The following SELP variants were observed in gnomAD, a reference collection of about 807,000 sequenced individuals.
SELP encodes the protein P-selectin.
Under a neutral mutation model 104.1 loss-of-function variants are expected in SELP, and 92 were observed. The observed-to-expected ratio is 0.88, with a 90% CI of 0.75 to 1.05. The LOEUF is 1.05. SELP is among the 50% of genes least tolerant of loss of function. SELP has a pLI of 0.00. For synonymous variants in SELP, 397 were observed against 364.5 expected (o/e 1.09, Z -1.01); for missense variants, 1,022 against 1,017.3 (o/e 1.00, Z -0.06).
chr1:169,599,460 T>G (rs760694), intron 10 of SELP, among the ~76,000 whole-genome samples: 85,212 of 152,006 alleles, frequency 0.56, 25,071 homozygotes, highest in East Asian at 0.96. Flanking sequence ...CCAAGGCAGT[T>G]CTATCACATA....
At chr1:169,604,185 AT>A (rs1240997346) in intron 9 of SELP, among the ~76,000 whole-genome samples, 4 of 151,634 alleles carry the variant, frequency 2.6e-5, no homozygotes, top group African/African-American at 9.7e-5. Flanking sequence ...TTTGATTTGC[AT>A]TTCTCTGATG....
intron 8 of SELP, among the ~76,000 whole-genome samples, chr1:169,608,830 T>C (rs1025816978): frequency 3.5e-4 from 53 of 152,162 alleles, no homozygotes; most frequent in African/African-American, 1.3e-3. Flanking sequence ...AACATGACTT[T>C]AGTGTGAGGT....
At chr1:169,623,374 T>C (rs1206005420) in intron 1 of SELP, among the ~76,000 whole-genome samples, 1 of 152,220 alleles carries the variant, frequency 6.6e-6, no homozygotes, top group African/African-American at 2.4e-5. Flanking sequence ...TGGCCAACCC[T>C]ACCCACTGTT....
At chr1:169,602,739 G>A (rs1208593424) in intron 10 of SELP, among the ~76,000 whole-genome samples, 1 of 152,138 alleles carries the variant, frequency 6.6e-6, no homozygotes, top group Non-Finnish European at 1.5e-5. Flanking sequence ...AGCCTCCCGA[G>A]TAGCTGGGAC....
At chr1:169,593,431 A>G (rs1411945462) in intron 14 of SELP, among the ~76,000 whole-genome samples, 174 bp downstream of exon 14, 1 of 152,164 alleles carries the variant, frequency 6.6e-6, no homozygotes, top group Non-Finnish European at 1.5e-5. Flanking sequence ...GGTGATTCTA[A>G]TGGACAATCA....
At position 169,602,621 on chromosome 1, in the gene SELP, A is replaced by AT. The variant is rs201316749; in HGVS notation, c.1705+404dup. 1.6e-3 allele frequency among the ~76,000 whole-genome samples: 241 copies of AT among 151,324 alleles called. 5 individuals are homozygous for AT. The East Asian group carries it at 0.039, about 24-fold the overall frequency. ...TGAAAGCACTTCCTGAAACTGTGCA[A>AT]TTTTTTTTTGAGACAGAGTCTCACT... is the stretch of plus-strand genomic sequence containing the variant. On this transcript the variant is annotated intron_variant, in intron 10 of 16. Transcript: ENST00000263686.
chr1:169,592,313 T>C (rs1290926672), intron 14 of SELP, among the ~76,000 whole-genome samples: 2 of 152,204 alleles, frequency 1.3e-5, no homozygotes, highest in Non-Finnish European at 2.9e-5. Context: ...TTGGTAGCAT[T>C]GTAAATGGAG....
At position 169,593,735 on chromosome 1, in the gene SELP, A is replaced by AAC. The variant is rs758198873; in HGVS notation, c.2288-13_2288-12dup. The AAC allele has an allele frequency of 6.2e-7, 1 of 1,612,944 alleles. No homozygotes were observed. Among genetic ancestry groups the AAC allele is most frequent in the South Asian group, 1.1e-5 (1 of 91,012 alleles). On this transcript the variant is annotated splice_polypyrimidine_tract_variant and intron_variant, in intron 13 of 16. Coordinates refer to ENST00000263686, the MANE Select transcript of SELP (RefSeq NM_003005.4). Reference sequence around the variant, plus strand: ...TAGTCAATGGTCCTGCTACAAAACAAACACACACACATGCAAGACATAAGA... The same window carrying AAC: ...TAGTCAATGGTCCTGCTACAAAACAAACACACACACACATGCAAGACATAAGA...
At chr1:169,617,469 G>A (rs1040529879) in intron 2 of SELP, 55 bp from the exon 3 acceptor site, 25 of 1,546,942 alleles carry the variant, frequency 1.6e-5, no homozygotes, top group African/African-American at 6.9e-5. Flanking sequence ...AAAAGAGGCC[G>A]TGATCCCAAG....
At chr1:169,625,899 C>G (rs1330963095) in intron 1 of SELP, among the ~76,000 whole-genome samples, 1 of 152,002 alleles carries the variant, frequency 6.6e-6, no homozygotes, top group Non-Finnish European at 1.5e-5. Context: ...CAGTACTAAA[C>G]AAGTAAACAT....
chr1:169,599,167 GGAAGCCTAAC>G (rs1661774342), intron 10 of SELP, among the ~76,000 whole-genome samples: 1 of 152,128 alleles, frequency 6.6e-6, no homozygotes, highest in Non-Finnish European at 1.5e-5. Context: ...TGAGTTACAT[GGAAGCCTAAC>G]CCAGATCCGG....
At chr1:169,618,599 C>A (rs926682345) in intron 2 of SELP, among the ~76,000 whole-genome samples, 4 of 152,170 alleles carry the variant, frequency 2.6e-5, no homozygotes, top group African/African-American at 9.7e-5. Flanking sequence ...CCTCTGCTGC[C>A]TGCATGAGGG....
At position 169,609,567 on chromosome 1, in the gene SELP, C is replaced by T; in HGVS notation, c.1270G>A (p.Gly424Arg). ...TTATCACACCGAACTATATCGGCTC[C>T]TCTCAGCATGAAACCTTCAGCACAG... ...FRCAEGFMLR[G>R]ADIVRCDNLG... is the part of the protein sequence containing the mutation. The change falls in exon 8 of 17, where the codon GGA (glycine) becomes AGA (arginine). Residue 424 changes from glycine to arginine, a missense_variant. Transcript: ENST00000263686. 6.2e-7 allele frequency: 1 copy of T among 1,614,086 alleles called. No homozygotes were observed. The highest frequency in any genetic ancestry group is 8.5e-7 in the Non-Finnish European group (1 of 1,179,984).
At chr1:169,609,282 A>G (rs1283599043) in intron 8 of SELP, among the ~76,000 whole-genome samples, 2 of 152,116 alleles carry the variant, frequency 1.3e-5, no homozygotes, top group Non-Finnish European at 2.9e-5. Context: ...TATATGTGTC[A>G]ATCAGTGCAA....
intron 2 of SELP, among the ~76,000 whole-genome samples, chr1:169,618,893 TCTGTGTCTA>T (rs1662954579): frequency 6.6e-6 from 1 of 152,216 alleles, no homozygotes; most frequent in Non-Finnish European, 1.5e-5. Flanking sequence ...ATTTTGTGCG[TCTGTGTCTA>T]CTGTGCCTAA....
intron 9 of SELP, among the ~76,000 whole-genome samples, chr1:169,605,503 T>TGC (rs1295823921): frequency 2.0e-5 from 3 of 151,702 alleles, no homozygotes; most frequent in Non-Finnish European, 4.4e-5. Context: ...TGTGTGTGTG[T>TGC]GTATGTGATT....
chr1:169,612,069 G>T, intron 6 of SELP, 148 bp downstream of exon 6: 3 of 762,868 alleles, frequency 3.9e-6, no homozygotes, highest in Non-Finnish European at 4.1e-6. Context: ...CATCTCAGAT[G>T]AACCCAATCT....
rs1157271092 is a variant in SELP, at chr1:169,611,615, T to G, written c.1024A>C (p.Thr342Pro). ...CAGCTGGAGCCATAGGCAAAAGCAG[T>G]GAGCGGATGAACACAGTCCATGGTT... ...EGTMDCVHPL[T>P]AFAYGSSCKF... Residue 342 changes from threonine to proline, a missense_variant, in exon 7 of 17, where the codon ACT (threonine) becomes CCT (proline). Transcript: ENST00000263686. 7.4e-6 allele frequency: 12 copies of G among 1,614,108 alleles called. No individual in the cohort carries two copies. Among genetic ancestry groups the G allele is most frequent in the Non-Finnish European group, 1.0e-5 (12 of 1,180,002 alleles).
rs1001720446 is a variant in SELP, at chr1:169,596,107, A to C, written c.1919T>G (p.Val640Gly). 10 of 1,613,702 alleles carry C rather than the reference A, an allele frequency of 6.2e-6. No homozygotes were observed. The highest frequency in any genetic ancestry group is 8.5e-6 in the Non-Finnish European group (10 of 1,179,782). ...AGGAGTGGTGAGGGCTGGACATTGC[A>C]CCCCTGGAGTAGGAAGTGATGCTAT... ...KGIASLPTPG[V>G]QCPALTTPGQ... Residue 640 changes from valine (V) to glycine (G), a missense_variant, in exon 12 of 17, where the codon GTG becomes GGG. Coordinates refer to ENST00000263686, the MANE Select transcript of SELP (RefSeq NM_003005.4).
Sources: allele counts gnomAD v4.1 joint callset (sites outside exome capture counted in the v4.1 genomes callset), GRCh38; gene constraint gnomAD v4.1.1; transcripts MANE v1.5; gene names NCBI Gene and HGNC (gene_info 2026-07-23, HGNC 2026-07-21).